Variants in NFASC observed in about 807,000 individuals in gnomAD.
The protein encoded by NFASC is neurofascin.
NFASC carries 43 observed loss-of-function variants against 147.5 expected under a neutral mutation model. The ratio of observed to expected loss-of-function variants is 0.29; its 90% CI spans 0.23 to 0.38. The LOEUF (loss-of-function observed/expected upper bound fraction) is 0.38. Ranked by LOEUF, NFASC falls within the 10% of genes least tolerant of loss-of-function variation. The pLI is 1.00. For synonymous variants in NFASC, 622 were observed against 665.5 expected (o/e 0.93, Z 1.01); for missense variants, 1,320 against 1,689.0 (o/e 0.78, Z 3.83).
In NFASC at chr1:204,891,342, A is replaced by T. The variant is rs150777773; in HGVS notation, c.-199-29290A>T. 7.6e-4 allele frequency among the ~76,000 whole-genome samples: 116 copies of T among 152,228 alleles called. 1 individual carries two copies. Among genetic ancestry groups the T allele is most frequent in the South Asian group, 4.8e-3 (23 of 4,822 alleles). ...GTGTAGAGATGGACTGTTGCTAGGG[A>T]CAGTGCATCAGGAGAAGGGCCACCC... On this transcript the variant is annotated intron_variant, in intron 1 of 29. Coordinates refer to ENST00000339876, the MANE Select transcript of NFASC (RefSeq NM_001005388.3).
At chr1:204,832,094 G>A (rs1419970528) in intron 1 of NFASC, among the ~76,000 whole-genome samples, 2 of 152,160 alleles carry the variant, frequency 1.3e-5, no homozygotes, top group African/African-American at 2.4e-5. Context: ...GAGGTTCAAG[G>A]TGTTGTCAGA....
At chr1:204,846,609 G>C (rs1677097213) in intron 1 of NFASC, among the ~76,000 whole-genome samples, 1 of 151,974 alleles carries the variant, frequency 6.6e-6, no homozygotes, top group African/African-American at 2.4e-5. Context: ...GGGGATGGAG[G>C]GTAATCCACC....
rs2095635924 is a variant in NFASC at position 204,987,306 on chromosome 1, T to C, written c.2471-112T>C. 1 of 1,019,926 alleles carries C rather than the reference T, an allele frequency of 9.8e-7. No individual in the cohort carries two copies. Among genetic ancestry groups the C allele is most frequent in the Non-Finnish European group, 1.5e-6 (1 of 681,758 alleles). The allele number at this position is 1,019,926 out of a possible 1,614,324, so 63.2% of individuals were successfully genotyped here. A position where few individuals can be genotyped will look rare whatever the true frequency, so the allele number is the denominator to read the frequency against. On this transcript the variant is annotated intron_variant, in intron 21 of 29. Coordinates refer to ENST00000339876, the MANE Select transcript of NFASC (RefSeq NM_001005388.3). This position sits in a 1 kb window ranked among gnomAD's most constrained non-coding sequence, Gnocchi z 4.4. ...GGCTTCAGTTTAGCAGTGTCGAGCA[T>C]GGGGGTTGTCCAGAGGTCAATGCCT...
At chr1:204,881,449 C>G (rs1200339259) in intron 1 of NFASC, among the ~76,000 whole-genome samples, 1 of 152,212 alleles carries the variant, frequency 6.6e-6, no homozygotes, top group Non-Finnish European at 1.5e-5. Context: ...GCCTGCTAGG[C>G]TAATGCTAGT....
Position 205,014,465 on chromosome 1 carries a change from C to G in NFASC, c.3491+1599C>G, listed in dbSNP as rs113498953. Among the ~76,000 whole-genome samples the G allele has an allele frequency of 1.8e-4, 28 of 152,336 alleles. 1 individual carries two copies. The highest frequency in any genetic ancestry group is 6.5e-4 in the African/African-American group (27 of 41,570). On this transcript the variant is annotated intron_variant, in intron 29 of 29. Transcript: ENST00000339876. ...GGGCGAGGAGTGCTGTTCTCTCACTCCAGTCTGTGGCTAAGTGGCCGACCA... is the reference window on the plus strand; with the variant it reads ...GGGCGAGGAGTGCTGTTCTCTCACTGCAGTCTGTGGCTAAGTGGCCGACCA...
intron 1 of NFASC, among the ~76,000 whole-genome samples, chr1:204,838,590 AG>A (rs1357003710): frequency 6.6e-6 from 1 of 152,112 alleles, no homozygotes; most frequent in East Asian, 1.9e-4. Context: ...GACTTTTCGG[AG>A]CCTGGAACGG....
chr1:204,944,123 C>A, intron 2 of NFASC, 103 bp from the exon 3 acceptor site: 2 of 993,744 alleles, frequency 2.0e-6, no homozygotes, highest in Non-Finnish European at 3.0e-6. Flanking sequence ...GAACATTACT[C>A]TGTGACCAAG....
intron 2 of NFASC, among the ~76,000 whole-genome samples, chr1:204,942,710 C>T (rs2093442145): frequency 6.6e-6 from 1 of 152,130 alleles, no homozygotes; most frequent in Non-Finnish European, 1.5e-5. Context: ...GTAACTCTGG[C>T]ATGAAATGTT....
chr1:204,854,181 T>C (rs2075951886), intron 1 of NFASC, among the ~76,000 whole-genome samples: 1 of 152,112 alleles, frequency 6.6e-6, no homozygotes, highest in Non-Finnish European at 1.5e-5. Context: ...TTTGCTCTGT[T>C]CCTTGGGTAG....
chr1:204,860,830 CAT>C (rs1293981995), intron 1 of NFASC, among the ~76,000 whole-genome samples: 2 of 152,142 alleles, frequency 1.3e-5, no homozygotes, highest in African/African-American at 4.8e-5. Flanking sequence ...TCAGTGGAAT[CAT>C]ATAATATATG....
intron 21 of NFASC, chr1:204,985,992 G>A (rs764555422): frequency 3.1e-6 from 5 of 1,613,732 alleles, no homozygotes; most frequent in Middle Eastern, 1.6e-4. Context: ...CCTGGTGACC[G>A]CCTCCGTGGC....
rs191523706 is a variant in NFASC at position 205,012,094 on chromosome 1, G to A, written c.3422-703G>A. Among the ~76,000 whole-genome samples, 8 of 152,314 alleles carry A rather than the reference G, an allele frequency of 5.3e-5. No homozygotes were observed. The East Asian group carries it at 7.7e-4, about 15-fold the overall frequency. On this transcript the variant is annotated intron_variant, in intron 28 of 29. Transcript: ENST00000339876. ...TAAAGAGGTTTTCATGTAAGTGCCC[G>A]CTGTGCATCCGCCTCTGTGCTGTGC...
In NFASC at chr1:204,991,313, T is replaced by C; in HGVS notation, c.2782+7T>C. On this transcript the variant is annotated splice_region_variant and intron_variant, in intron 24 of 29. Transcript: ENST00000339876. ...GAAGCTACTCCAACCGCAGGTACCGTACCAGCCGCGGAGGTAATGGGCATG... is the reference window on the plus strand; with the variant it reads ...GAAGCTACTCCAACCGCAGGTACCGCACCAGCCGCGGAGGTAATGGGCATG... 1 of 1,612,342 alleles carries C rather than the reference T, an allele frequency of 6.2e-7. No homozygotes were observed. Among genetic ancestry groups the C allele is most frequent in the Non-Finnish European group, 8.5e-7 (1 of 1,179,194 alleles).
intron 8 of NFASC, among the ~76,000 whole-genome samples, chr1:204,961,502 A>C (rs1253515721): frequency 2.0e-5 from 3 of 152,254 alleles, no homozygotes; most frequent in Non-Finnish European, 4.4e-5. Flanking sequence ...AGACATCTCC[A>C]AGATCATAGT....
At chr1:204,907,285 A>G (rs1187832540) in intron 1 of NFASC, among the ~76,000 whole-genome samples, 1 of 151,880 alleles carries the variant, frequency 6.6e-6, no homozygotes, top group East Asian at 2.0e-4. Flanking sequence ...TAGCAAAATG[A>G]TCTTTTGCTC....
chr1:204,831,271 C>T (rs951548565), intron 1 of NFASC, among the ~76,000 whole-genome samples: 3 of 151,712 alleles, frequency 2.0e-5, no homozygotes, highest in Admixed American at 6.6e-5. Context: ...CCAAGGCACA[C>T]GGAGGGAGAA....
chr1:204,847,250 G>A (rs554631861), intron 1 of NFASC, among the ~76,000 whole-genome samples: 61 of 152,254 alleles, frequency 4.0e-4, no homozygotes, highest in African/African-American at 1.4e-3. Context: ...GCAGCTACCA[G>A]ATATTCAAAG....
intron 2 of NFASC, among the ~76,000 whole-genome samples, chr1:204,932,000 C>A (rs556098740): frequency 6.6e-6 from 1 of 152,028 alleles, no homozygotes; most frequent in African/African-American, 2.4e-5. Context: ...TGAAGTGAAG[C>A]GGGAGAGGAG....
intron 1 of NFASC, among the ~76,000 whole-genome samples, chr1:204,898,520 T>A (rs1348281080): frequency 1.3e-5 from 2 of 152,134 alleles, no homozygotes; most frequent in Non-Finnish European, 2.9e-5. Context: ...ATCATTAAAG[T>A]GTAAGAGGAA....
Sources: gnomAD v4.1 joint callset for allele counts (sites outside exome capture counted in the v4.1 genomes callset) on GRCh38, gnomAD v4.1.1 for gene constraint, Gnocchi (gnomAD v3.1) non-coding constraint, MANE v1.5 for transcripts, NCBI Gene and HGNC (gene_info 2026-07-23, HGNC 2026-07-21) for gene names.